BMAL2: variants seen among roughly 807,000 people sequenced by gnomAD.
BMAL2 encodes basic helix-loop-helix ARNT like 2, also known as basic helix-loop-helix ARNT-like protein 2.
At chr12:27,420,945 C>T in the BMAL2 span, 1 of 156,244 alleles carries the variant, frequency 6.4e-6, no homozygotes, top group Non-Finnish European at 1.4e-5. Context: ...GAACATTTTC[C>T]ATTCCTTGCG....
chr12:27,424,819 G>A, the BMAL2 span: 27 of 152,338 alleles, frequency 1.8e-4, 1 homozygote, highest in African/African-American at 5.1e-4. Flanking sequence ...CCACTTTTCT[G>A]TTTTTGTAAT....
chr12:27,390,427 T>TA, the BMAL2 span: 1 of 592,274 alleles, frequency 1.7e-6, no homozygotes, highest in East Asian at 3.2e-5. Flanking sequence ...ATTTATCAGG[T>TA]AATTACATAT....
the BMAL2 span, among the ~76,000 whole-genome samples, chr12:27,348,852 A>C: frequency 1.3e-5 from 2 of 151,798 alleles, no homozygotes; most frequent in African/African-American, 4.9e-5. Context: ...CTGGTGAGGG[A>C]AACCAATTAG....
the BMAL2 span, among the ~76,000 whole-genome samples, chr12:27,384,275 A>T: frequency 6.6e-6 from 1 of 152,104 alleles, no homozygotes; most frequent in Non-Finnish European, 1.5e-5. Flanking sequence ...TTGGCCTGAT[A>T]ATTCCTCATC....
At chr12:27,369,539 G>C in the BMAL2 span, among the ~76,000 whole-genome samples, 1 of 152,222 alleles carries the variant, frequency 6.6e-6, no homozygotes, top group South Asian at 2.1e-4. Context: ...TGAAGTGACA[G>C]TCTTTTTAGA....
the BMAL2 span, among the ~76,000 whole-genome samples, chr12:27,412,136 C>A: frequency 1.3e-5 from 2 of 152,128 alleles, no homozygotes; most frequent in Admixed American, 6.5e-5. Flanking sequence ...GTTCTTGGCA[C>A]CCTTAGTGAA....
the BMAL2 span, chr12:27,416,054 AT>A: frequency 1.8e-5 from 14 of 760,242 alleles, no homozygotes; most frequent in South Asian, 1.3e-4. Context: ...CAAAAAAAAA[AT>A]GAACCCATTT....
chr12:27,333,374 T>G, the BMAL2 span, among the ~76,000 whole-genome samples: 1 of 152,070 alleles, frequency 6.6e-6, no homozygotes, highest in Non-Finnish European at 1.5e-5. Context: ...CGCGGTGTCT[T>G]GGTCCCGGGC....
At chr12:27,419,530 T>C in the BMAL2 span, among the ~76,000 whole-genome samples, 4 of 152,206 alleles carry the variant, frequency 2.6e-5, no homozygotes, top group East Asian at 5.8e-4. Flanking sequence ...CCTAATTACC[T>C]TGTATCAGGC....
the BMAL2 span, among the ~76,000 whole-genome samples, chr12:27,372,659 CTTA>C: frequency 5.9e-5 from 9 of 152,012 alleles, no homozygotes; most frequent in South Asian, 6.2e-4. Flanking sequence ...CTCACTGATA[CTTA>C]TTATTATTTT....
chr12:27,420,519 A>G, the BMAL2 span: 2 of 1,592,064 alleles, frequency 1.3e-6, no homozygotes, highest in Admixed American at 3.7e-5. Flanking sequence ...AGTGACATCC[A>G]GTGGACCCTC....
the BMAL2 span, among the ~76,000 whole-genome samples, chr12:27,404,410 A>C: frequency 6.6e-6 from 1 of 152,146 alleles, no homozygotes; most frequent in Non-Finnish European, 1.5e-5. Context: ...AATACAATCA[A>C]ATGCACATGC....
chr12:27,409,496 A>G, the BMAL2 span, among the ~76,000 whole-genome samples: 3 of 152,270 alleles, frequency 2.0e-5, no homozygotes, highest in Admixed American at 2.0e-4. Context: ...AAATGGGGAA[A>G]GGATTCCCTA....
chr12:27,412,976 A>G, the BMAL2 span, among the ~76,000 whole-genome samples: 1 of 151,884 alleles, frequency 6.6e-6, no homozygotes, highest in African/African-American at 2.4e-5. Context: ...AGAGAATAGG[A>G]TGATATATTC....
chr12:27,374,431 G>A, the BMAL2 span, among the ~76,000 whole-genome samples: 1 of 152,174 alleles, frequency 6.6e-6, no homozygotes, highest in Non-Finnish European at 1.5e-5. Context: ...ATGTGCATAG[G>A]TTGTATGCAA....
the BMAL2 span, among the ~76,000 whole-genome samples, chr12:27,373,314 T>C: frequency 6.6e-6 from 1 of 152,188 alleles, no homozygotes. Flanking sequence ...GAGGGTGGTA[T>C]TTTCATTCAC....
At chr12:27,357,549 C>T in the BMAL2 span, among the ~76,000 whole-genome samples, 2 of 152,150 alleles carry the variant, frequency 1.3e-5, no homozygotes, top group Non-Finnish European at 2.9e-5. Context: ...AAAGAATCCA[C>T]ATAGCCAAAG....
chr12:27,394,561 C>G, the BMAL2 span: 1 of 152,196 alleles, frequency 6.6e-6, no homozygotes, highest in Non-Finnish European at 1.5e-5. Context: ...TAACCACTCT[C>G]AAATCCACAG....
At chr12:27,404,773 G>A in the BMAL2 span, among the ~76,000 whole-genome samples, 2 of 152,158 alleles carry the variant, frequency 1.3e-5, no homozygotes, top group Non-Finnish European at 2.9e-5. Flanking sequence ...TGGGTGCAGC[G>A]CACCAAGCGT....
Sources: allele counts gnomAD v4.1 joint callset (sites outside exome capture counted in the v4.1 genomes callset), GRCh38; gene constraint gnomAD v4.1.1; transcripts MANE v1.5; gene names NCBI Gene and HGNC (gene_info 2026-07-23, HGNC 2026-07-21).